Variants in MYO15B observed in about 807,000 individuals in gnomAD.
The protein encoded by MYO15B is myosin XVB pseudogene.
Under a neutral mutation model 119.3 loss-of-function variants are expected in MYO15B, and 207 were observed. The ratio of observed to expected loss-of-function variants is 1.73; its 90% CI spans 1.55 to 1.95. The LOEUF is 1.95. Among genes scored for constraint, MYO15B ranks in the 30% most tolerant of loss-of-function variants. MYO15B has a pLI of 0.00. For synonymous variants in MYO15B, 966 were observed against 498.9 expected (o/e 1.94, Z -12.48); for missense variants, 2,264 against 1,203.1 (o/e 1.88, Z -13.04).
exon 25 of MYO15B, chr17:75,611,936 G>T (rs1287211475): frequency 4.3e-6 from 3 of 702,878 alleles, no homozygotes; most frequent in Non-Finnish European, 5.2e-6. Flanking sequence ...GCCGCCTGAG[G>T]TTCCTGCCCG....
chr17:75,602,453 C>T lies in MYO15B; in HGVS notation c.3652-64C>T, dbSNP rs549203273. On this transcript the variant is annotated intron_variant, in intron 15 of 63. Transcript: ENST00000645453. The stretch of plus-strand genomic sequence containing the variant: ...TTCTTCTCCTCCATATCCAGCCTCC[C>T]CTCCTTGGTTCCTGTTCTCCTCCCT... 1.3e-4 allele frequency: 92 copies of T among 702,852 alleles called. No individual in the cohort carries two copies. In the African/African-American group the frequency reaches 1.4e-3, roughly 11 times the overall value. The allele number at this position is 702,852 out of a possible 1,614,324, so 43.5% of individuals were successfully genotyped here. A position where few individuals can be genotyped will look rare whatever the true frequency, so the allele number is the denominator to read the frequency against.
At chr17:75,592,759 G>A in exon 9 of MYO15B, 1 of 702,536 alleles carries the variant, frequency 1.4e-6, no homozygotes, top group Non-Finnish European at 2.6e-6. Context: ...GGCTCGGCTT[G>A]TGCCCAGAGG....
Position 75,616,516 on chromosome 17 carries a change from C to T in MYO15B, c.6245-8C>T. 2 of 699,706 alleles carry T rather than the reference C, an allele frequency of 2.9e-6. No individual in the cohort carries two copies. Among genetic ancestry groups the T allele is most frequent in the Middle Eastern group, 2.3e-4 (1 of 4,358 alleles). The allele number at this position is 699,706 out of a possible 1,614,324, so 43.3% of individuals were successfully genotyped here. On this transcript the variant is annotated splice_region_variant and splice_polypyrimidine_tract_variant and intron_variant, in intron 38 of 63. Coordinates refer to ENST00000645453, the Ensembl canonical transcript of MYO15B. ...CGCGGTTAACAGTCTTTCCTGTTTCCTGGTCAGTGCCGTCCCCTCCTCCTC... is the reference window on the plus strand; with the variant it reads ...CGCGGTTAACAGTCTTTCCTGTTTCTTGGTCAGTGCCGTCCCCTCCTCCTC...
Position 75,591,581 on chromosome 17 carries a change from A to G in MYO15B, c.2436-20A>G, listed in dbSNP as rs1425332859. ...CTATGTGCCCCTCCCTGGAGACCCT[A>G]CCAACCAACACATCCTTAGCTCCTC... is the stretch of plus-strand genomic sequence containing the variant. On this transcript the variant is annotated intron_variant, in intron 4 of 63. Coordinates refer to ENST00000645453, the Ensembl canonical transcript of MYO15B. The G allele has an allele frequency of 1.1e-5, 8 of 702,464 alleles. 1 individual carries two copies. In the South Asian group the frequency reaches 1.2e-4, roughly 10 times the overall value. 43.5% of individuals were successfully genotyped at this position (702,464 alleles called of 1,614,324 possible). A position where few individuals can be genotyped will look rare whatever the true frequency, so the allele number is the denominator to read the frequency against.
Position 75,615,991 on chromosome 17 carries a change from C to T in MYO15B, c.6031-78C>T, listed in dbSNP as rs913690339. 5 of 593,838 alleles carry T rather than the reference C, an allele frequency of 8.4e-6. No homozygotes were observed. In the African/African-American group the frequency reaches 9.3e-5, roughly 11 times the overall value. The allele number at this position is 593,838 out of a possible 1,614,324, so 36.8% of individuals were successfully genotyped here. On this transcript the variant is annotated intron_variant, in intron 36 of 63. Transcript: ENST00000645453. ...AGACACAGGGAAGAGGCTGCTGGCC[C>T]AGGACTGGGGACCCGAGGGGTGTGG...
chr17:75,613,332 G>C, exon 28 of MYO15B: 2 of 675,432 alleles, frequency 3.0e-6, no homozygotes, highest in Non-Finnish European at 5.4e-6. Context: ...TGGCAGCGCT[G>C]TGCCAGCACA....
intron 14 of MYO15B, among the ~76,000 whole-genome samples, chr17:75,599,106 C>T (rs560622390): frequency 1.3e-3 from 198 of 152,142 alleles, no homozygotes; most frequent in African/African-American, 4.5e-3. Context: ...CTATGTTGCC[C>T]AGGCTGGTCT....
chr17:75,619,378 G>T (rs1437910818), exon 45 of MYO15B: 8 of 702,532 alleles, frequency 1.1e-5, no homozygotes, highest in Non-Finnish European at 1.8e-5. Flanking sequence ...GGTGGACCTG[G>T]ATTCTCTCAC....
chr17:75,610,208 C>A, exon 22 of MYO15B: 1 of 701,882 alleles, frequency 1.4e-6, no homozygotes, highest in African/African-American at 1.7e-5. Context: ...GACAGCTGAA[C>A]ACCATCCTGC....
At chr17:75,623,977 C>G in exon 55 of MYO15B, 1 of 703,046 alleles carries the variant, frequency 1.4e-6, no homozygotes, top group Non-Finnish European at 2.6e-6. Flanking sequence ...CTGGAGCTTC[C>G]TCAGCCTTCT....
chr17:75,620,712 C>T (rs944807267), intron 49 of MYO15B, 76 bp downstream of exon 49: 1 of 690,790 alleles, frequency 1.4e-6, no homozygotes, highest in African/African-American at 1.8e-5. Context: ...TTGACCACTC[C>T]CGAGGCTGCC....
intron 45 of MYO15B, 62 bp downstream of exon 45, chr17:75,619,538 T>C (rs2058577146): frequency 1.4e-6 from 1 of 689,930 alleles, no homozygotes; most frequent in Middle Eastern, 3.0e-4. Flanking sequence ...CTGGGGTGCA[T>C]GGGCACAGAC....
intron 14 of MYO15B, among the ~76,000 whole-genome samples, chr17:75,597,443 C>T (rs1438348492): frequency 6.6e-6 from 1 of 152,256 alleles, no homozygotes; most frequent in African/African-American, 2.4e-5. Flanking sequence ...CCGCGCCAGA[C>T]TGGGCTCCAC....
At chr17:75,626,790 T>G in exon 64 of MYO15B, 1 of 509,356 alleles carries the variant, frequency 2.0e-6, no homozygotes, top group Non-Finnish European at 3.5e-6. Context: ...GGCCCCACAT[T>G]AGCACAAGCC....
At position 75,626,100 on chromosome 17, in the gene MYO15B, C is replaced by T. The variant is rs75081344; in HGVS notation, c.9085C>T (p.Arg3029Cys). The T allele has an allele frequency of 2.5e-3, 1,783 of 703,034 alleles. 7 individuals carry two copies. Among genetic ancestry groups the T allele is most frequent in the Non-Finnish European group, 3.7e-3 (1,434 of 384,992 alleles). The allele number at this position is 703,034 out of a possible 1,614,324, so 43.5% of individuals were successfully genotyped here. ...CTGCTGCCCCCAGAGCCTGTACTGC[C>T]GCATTGCCCTGAAGAGCCTGCAGCG... is the stretch of plus-strand genomic sequence containing the variant. The change falls in exon 63 of 64, where the codon CGC (arginine) becomes TGC (cysteine). Residue 3029 changes from arginine to cysteine, a missense_variant. Coordinates refer to ENST00000645453, the Ensembl canonical transcript of MYO15B.
intron 53 of MYO15B, among the ~76,000 whole-genome samples, chr17:75,623,411 C>A (rs2058820837): frequency 6.6e-6 from 1 of 152,144 alleles, no homozygotes; most frequent in Admixed American, 6.5e-5. Context: ...GGTGGATCAC[C>A]TGAGGTCAGG....
At chr17:75,609,793 C>T (rs1310279074) in intron 21 of MYO15B, among the ~76,000 whole-genome samples, 1 of 149,172 alleles carries the variant, frequency 6.7e-6, no homozygotes, top group Admixed American at 6.7e-5. Context: ...TGAATCTCCA[C>T]CTCCCAGGTT....
In MYO15B at chr17:75,589,469, ACGAGAGAGGTGACGAGGGCCG is replaced by A. The variant is rs1568105199; in HGVS notation, c.1413_1433del (p.His471_Arg478delinsGln). On this transcript the variant is annotated inframe_deletion, in exon 1 of 64. Transcript: ENST00000645453. The surrounding 1 kb of genome is among the most constrained non-coding windows in gnomAD (Gnocchi z 4.2). Reference sequence around the variant, plus strand: ...GGGAAAGCGGACGAGGGGCGGGGTCACGAGAGAGGTGACGAGGGCCGGGACCACCAGAGAGGGTACGAGGGG... The same window carrying A: ...GGGAAAGCGGACGAGGGGCGGGGTCAGGACCACCAGAGAGGGTACGAGGGG... 7.6e-5 allele frequency: 30 copies of A among 396,558 alleles called. No homozygotes were observed. The highest frequency in any genetic ancestry group is 1.2e-4 in the Non-Finnish European group (27 of 225,640). 24.6% of individuals were successfully genotyped at this position (396,558 alleles called of 1,614,324 possible).
chr17:75,626,068 C>T lies in MYO15B; in HGVS notation c.9073-20C>T, dbSNP rs1209532038. ...CCCCTCCCCGGAGAGGAGACCAGCCCTGCTCTCTGCTGCCCCCAGAGCCTG... is the reference window on the plus strand; with the variant it reads ...CCCCTCCCCGGAGAGGAGACCAGCCTTGCTCTCTGCTGCCCCCAGAGCCTG... On this transcript the variant is annotated intron_variant, in intron 62 of 63. Coordinates refer to ENST00000645453, the Ensembl canonical transcript of MYO15B. 5.7e-6 allele frequency: 4 copies of T among 701,638 alleles called. No individual in the cohort carries two copies. The highest frequency in any genetic ancestry group is 1.0e-5 in the Non-Finnish European group (4 of 384,390). The allele number at this position is 701,638 out of a possible 1,614,324, so 43.5% of individuals were successfully genotyped here.
Sources: gnomAD v4.1 joint callset for allele counts (sites outside exome capture counted in the v4.1 genomes callset) on GRCh38, gnomAD v4.1.1 for gene constraint, Gnocchi (gnomAD v3.1) non-coding constraint, MANE v1.5 for transcripts, NCBI Gene and HGNC (gene_info 2026-07-23, HGNC 2026-07-21) for gene names.